The following PDE4B variants were observed in gnomAD, a reference collection of about 807,000 sequenced individuals.
PDE4B encodes 3',5'-cyclic-AMP phosphodiesterase 4B.
PDE4B carries 20 observed loss-of-function variants against 82.2 expected under a neutral mutation model. The ratio of observed to expected loss-of-function variants is 0.24; its 90% confidence interval spans 0.17 to 0.35. The LOEUF (loss-of-function observed/expected upper bound fraction) is 0.35. Ranked by LOEUF, PDE4B falls within the 10% of genes least tolerant of loss-of-function variation. PDE4B has a pLI of 1.00. For missense variants in PDE4B, 655 were observed against 907.2 expected (o/e 0.72, Z 3.57); for synonymous variants, 320 against 318.9 (o/e 1.00, Z -0.04).
intron 3 of PDE4B, among the ~76,000 whole-genome samples, chr1:66,075,496 C>A (rs562532936): frequency 6.6e-6 from 1 of 152,046 alleles, no homozygotes; most frequent in African/African-American, 2.4e-5. Flanking sequence ...GTTCTCAGGG[C>A]CTTTATTCCC....
intron 10 of PDE4B, among the ~76,000 whole-genome samples, chr1:66,362,338 T>C (rs1338612301): frequency 1.3e-5 from 2 of 152,136 alleles, no homozygotes; most frequent in Non-Finnish European, 2.9e-5. Context: ...ACTCCAGTAG[T>C]GGAGGGAGGC....
At chr1:65,890,198 TGATTATTTGACTTAAATGAAATTTAA>T (rs1170946071) in intron 1 of PDE4B, among the ~76,000 whole-genome samples, 2 of 152,060 alleles carry the variant, frequency 1.3e-5, no homozygotes, top group African/African-American at 4.8e-5. Flanking sequence ...AGTTTTAGGT[TGATTATTTGACTTAAATGAAATTTAA>T]GATAATTTGC....
intron 3 of PDE4B, among the ~76,000 whole-genome samples, chr1:65,953,725 A>C (rs1303652040): frequency 6.6e-6 from 1 of 152,148 alleles, no homozygotes; most frequent in Non-Finnish European, 1.5e-5. Flanking sequence ...TCCTACCTTC[A>C]TAACAGTACA....
chr1:66,346,164 C>G (rs1227149524), intron 8 of PDE4B, among the ~76,000 whole-genome samples: 1 of 152,176 alleles, frequency 6.6e-6, no homozygotes, highest in African/African-American at 2.4e-5. Context: ...TATCTGCCAT[C>G]ATTTGGTTAT....
At chr1:65,994,657 A>G (rs569048946) in intron 3 of PDE4B, among the ~76,000 whole-genome samples, 4 of 152,144 alleles carry the variant, frequency 2.6e-5, no homozygotes, top group Non-Finnish European at 5.9e-5. Flanking sequence ...TATGAAAATA[A>G]TATATACAGA....
chr1:66,087,924 C>T (rs2937268), intron 3 of PDE4B, among the ~76,000 whole-genome samples: 6,845 of 150,096 alleles, frequency 0.046, 200 homozygotes, highest in South Asian at 0.15. Context: ...TGCTAGATGA[C>T]GAGTTAGTGG....
At chr1:66,207,790 T>C (rs1649674488) in intron 3 of PDE4B, among the ~76,000 whole-genome samples, 2 of 152,202 alleles carry the variant, frequency 1.3e-5, no homozygotes, top group Admixed American at 1.3e-4. Context: ...AATTATATAA[T>C]TATTCCTCCT....
intron 8 of PDE4B, among the ~76,000 whole-genome samples, chr1:66,343,025 C>T (rs952405508): frequency 1.3e-5 from 2 of 151,988 alleles, no homozygotes; most frequent in Non-Finnish European, 2.9e-5. Flanking sequence ...TGCACTCCAG[C>T]CTGGGTGCTG....
At chr1:66,159,379 C>T (rs1570365518) in intron 3 of PDE4B, among the ~76,000 whole-genome samples, 1 of 151,436 alleles carries the variant, frequency 6.6e-6, no homozygotes, top group East Asian at 1.9e-4. Context: ...GCAGGGACTA[C>T]AGGTGGTGTG....
chr1:66,152,311 T>A, intron 3 of PDE4B: 1 of 167,060 alleles, frequency 6.0e-6, no homozygotes. Context: ...AAATGCTTTA[T>A]AATATGGAAA....
chr1:66,213,147 G>A (rs1400607665), intron 3 of PDE4B, among the ~76,000 whole-genome samples: 1 of 152,148 alleles, frequency 6.6e-6, no homozygotes, highest in African/African-American at 2.4e-5. Flanking sequence ...AACTCTTAAA[G>A]GAAGACTCCT....
chr1:65,932,201 A>G (rs1647874307), intron 3 of PDE4B, among the ~76,000 whole-genome samples: 1 of 151,518 alleles, frequency 6.6e-6, no homozygotes, highest in Non-Finnish European at 1.5e-5. Context: ...GCATGCAACT[A>G]GATGATGCAG....
intron 3 of PDE4B, among the ~76,000 whole-genome samples, chr1:66,211,774 A>G (rs1322013527): frequency 6.6e-6 from 1 of 152,132 alleles, no homozygotes; most frequent in African/African-American, 2.4e-5. Context: ...TTTAATCCCA[A>G]CTTTGTGATG....
chr1:65,941,004 T>C (rs1009488173), intron 3 of PDE4B, among the ~76,000 whole-genome samples: 5 of 151,992 alleles, frequency 3.3e-5, no homozygotes, highest in African/African-American at 7.2e-5. Flanking sequence ...ATTTTGCTTT[T>C]TTTTGCTTCA....
chr1:66,201,160 G>T (rs1316592658), intron 3 of PDE4B, among the ~76,000 whole-genome samples: 1 of 152,162 alleles, frequency 6.6e-6, no homozygotes, highest in Non-Finnish European at 1.5e-5. Context: ...ATTGATTTGT[G>T]CATGTTGAGC....
At chr1:66,093,385 A>G (rs1294937897) in intron 3 of PDE4B, among the ~76,000 whole-genome samples, 1 of 152,128 alleles carries the variant, frequency 6.6e-6, no homozygotes, top group Non-Finnish European at 1.5e-5. Flanking sequence ...AAACTGAGAA[A>G]TAGAAAGTGT....
At chr1:66,285,174 A>G (rs1002688290) in intron 7 of PDE4B, among the ~76,000 whole-genome samples, 18 of 152,182 alleles carry the variant, frequency 1.2e-4, no homozygotes, top group African/African-American at 3.4e-4. Flanking sequence ...TTAAGCCTCA[A>G]AACAACTCTG....
chr1:66,209,199 G>A (rs1649816030), intron 3 of PDE4B, among the ~76,000 whole-genome samples: 1 of 152,250 alleles, frequency 6.6e-6, no homozygotes, highest in South Asian at 2.1e-4. Context: ...TATCTGCTTT[G>A]CTCAGAAGGA....
chr1:66,151,516 G>A (rs528495956), intron 3 of PDE4B, among the ~76,000 whole-genome samples: 92 of 152,218 alleles, frequency 6.0e-4, no homozygotes, highest in African/African-American at 2.1e-3. Flanking sequence ...CCAGAAATAA[G>A]GCTGCTCTTA....
Sources: allele counts gnomAD v4.1 joint callset (sites outside exome capture counted in the v4.1 genomes callset), GRCh38; gene constraint gnomAD v4.1.1; transcripts MANE v1.5; gene names NCBI Gene and HGNC (gene_info 2026-07-23, HGNC 2026-07-21).